The following CAST variants were observed in gnomAD, a reference collection of about 807,000 sequenced individuals.
CAST encodes the protein calpastatin.
Under a neutral mutation model 119.6 loss-of-function variants are expected in CAST, and 76 were observed. The ratio of observed to expected loss-of-function variants is 0.64; its 90% CI spans 0.53 to 0.77. CAST has a LOEUF of 0.77. CAST is among the 30% of genes least tolerant of loss of function. The pLI is 0.00. For synonymous variants in CAST, 319 were observed against 331.6 expected (o/e 0.96, Z 0.41); for missense variants, 953 against 946.5 (o/e 1.01, Z -0.09).
chr5:96,177,468 G>A, the CAST span, among the ~76,000 whole-genome samples: 2 of 152,120 alleles, frequency 1.3e-5, no homozygotes, highest in Non-Finnish European at 2.9e-5. Flanking sequence ...ATGAATTACT[G>A]CATTTTCAGA....
At chr5:96,288,348 T>A in the CAST span, among the ~76,000 whole-genome samples, 2 of 152,154 alleles carry the variant, frequency 1.3e-5, no homozygotes, top group Admixed American at 1.3e-4. Flanking sequence ...AATGCCAGCA[T>A]GCTACTGGTG....
intron 1 of CAST, among the ~76,000 whole-genome samples, chr5:96,531,827 C>A (rs570763389): frequency 1.2e-4 from 18 of 152,056 alleles, no homozygotes; most frequent in Admixed American, 1.1e-3. Context: ...AAAAAGGAAC[C>A]CTCAAAGCCT....
In CAST at chr5:96,757,162, T is replaced by A. The variant is rs980683198; in HGVS notation, c.1711-282T>A. Among the ~76,000 whole-genome samples, 4 of 152,170 alleles carry A rather than the reference T, an allele frequency of 2.6e-5. No homozygotes were observed. The South Asian group carries it at 8.3e-4, about 32-fold the overall frequency. On this transcript the variant is annotated intron_variant, in intron 22 of 31. Transcript: ENST00000675179. ...TACCACACTATGCTGACTTTCACGT[T>A]TTCCTGCTGTGATAGTCTCTAGGCT...
the CAST span, among the ~76,000 whole-genome samples, chr5:96,463,031 T>C: frequency 6.6e-6 from 1 of 152,108 alleles, no homozygotes; most frequent in Non-Finnish European, 1.5e-5. Flanking sequence ...TGTTTCTTTA[T>C]AGCAGCATGA....
intron 12 of CAST, 66 bp downstream of exon 12, chr5:96,740,184 A>G (rs1167283118): frequency 1.3e-6 from 1 of 770,288 alleles, no homozygotes; most frequent in Admixed American, 2.7e-5. Context: ...TCATGTCAAT[A>G]TTTTTACAGT....
At chr5:96,771,556 A>G in intron 30 of CAST, 88 bp from the exon 31 acceptor site, 1 of 937,352 alleles carries the variant, frequency 1.1e-6, no homozygotes, top group South Asian at 1.6e-5. Flanking sequence ...ACTGACTGCC[A>G]TCTTTTGTCC....
At chr5:96,343,433 G>T in the CAST span, among the ~76,000 whole-genome samples, 1 of 152,112 alleles carries the variant, frequency 6.6e-6, no homozygotes, top group Non-Finnish European at 1.5e-5. Flanking sequence ...CTTTTTAGGG[G>T]GTTGAGAGGA....
chr5:96,576,881 C>T (rs531501922), intron 1 of CAST, among the ~76,000 whole-genome samples: 1 of 151,776 alleles, frequency 6.6e-6, no homozygotes, highest in Admixed American at 6.6e-5. Flanking sequence ...AGGTTTGTTA[C>T]ATAGGTAAAT....
At chr5:96,048,510 G>A in the CAST span, among the ~76,000 whole-genome samples, 116 of 152,202 alleles carry the variant, frequency 7.6e-4, no homozygotes, top group Middle Eastern at 0.014. Flanking sequence ...TAAAATAATG[G>A]CAATAATAAT....
chr5:96,217,881 T>C, the CAST span, among the ~76,000 whole-genome samples: 1 of 152,166 alleles, frequency 6.6e-6, no homozygotes, highest in African/African-American at 2.4e-5. Flanking sequence ...GAGCTAGACA[T>C]TGGTTACGAG....
the CAST span, chr5:96,393,251 A>G: frequency 6.2e-7 from 1 of 1,613,984 alleles, no homozygotes; most frequent in Non-Finnish European, 8.5e-7. Flanking sequence ...AGCACTTTGC[A>G]GGAGTCGCAG....
At chr5:96,723,062 C>T (rs1758594610) in intron 4 of CAST, among the ~76,000 whole-genome samples, 1 of 152,158 alleles carries the variant, frequency 6.6e-6, no homozygotes, top group South Asian at 2.1e-4. Context: ...CCCATCTCGG[C>T]CTCTTGAGTA....
At chr5:96,507,949 A>G in the CAST span, among the ~76,000 whole-genome samples, 2 of 151,720 alleles carry the variant, frequency 1.3e-5, no homozygotes, top group Admixed American at 6.6e-5. Flanking sequence ...GTTCTCTTTG[A>G]ATAACATTGG....
At chr5:96,420,880 A>G in the CAST span, among the ~76,000 whole-genome samples, 949 of 152,254 alleles carry the variant, frequency 6.2e-3, 11 homozygotes, top group African/African-American at 0.022. Context: ...GAGAATAAAG[A>G]AGCGCTTCAT....
rs946123800 is a variant in CAST, at chr5:96,619,572, G to A, written c.61-55967G>A. Among the ~76,000 whole-genome samples the A allele has an allele frequency of 2.6e-5, 4 of 152,278 alleles. No homozygotes were observed. The South Asian group carries it at 8.3e-4, about 32-fold the overall frequency. On this transcript the variant is annotated intron_variant, in intron 1 of 11. Transcript: ENST00000505143. ...TCTTTTGCTTTTTGCAATAAATCTT[G>A]CTGTTCCTCACTGTTTGGGTCTGCG...
At chr5:96,564,485 G>A (rs1441666641) in intron 1 of CAST, among the ~76,000 whole-genome samples, 1 of 152,180 alleles carries the variant, frequency 6.6e-6, no homozygotes, top group Non-Finnish European at 1.5e-5. Context: ...GTATTAAAGA[G>A]GATTAATACA....
chr5:96,626,446 T>C (rs1425374325), intron 1 of CAST, among the ~76,000 whole-genome samples: 3 of 152,128 alleles, frequency 2.0e-5, no homozygotes, highest in Non-Finnish European at 2.9e-5. Context: ...TGCTCCACCC[T>C]CCATCCTCAT....
chr5:96,545,262 A>C (rs955844725), intron 1 of CAST: 1 of 152,222 alleles, frequency 6.6e-6, no homozygotes, highest in African/African-American at 2.4e-5. Context: ...GGAAGCAAGA[A>C]TCTCATAAGT....
the CAST span, among the ~76,000 whole-genome samples, chr5:96,249,353 A>C: frequency 6.6e-6 from 1 of 152,126 alleles, no homozygotes; most frequent in African/African-American, 2.4e-5. Context: ...CTTTGGCATT[A>C]CTCCCAGTCA....
Sources: allele counts gnomAD v4.1 joint callset (sites outside exome capture counted in the v4.1 genomes callset), GRCh38; gene constraint gnomAD v4.1.1; transcripts MANE v1.5; gene names NCBI Gene and HGNC (gene_info 2026-07-23, HGNC 2026-07-21).